Variants in SMC1B observed in about 807,000 individuals in gnomAD.
SMC1B encodes the protein structural maintenance of chromosomes protein 1B.
Under a neutral mutation model 157.9 loss-of-function variants are expected in SMC1B, and 60 were observed. The ratio of observed to expected loss-of-function variants is 0.38; its 90% CI spans 0.31 to 0.47. The LOEUF (loss-of-function observed/expected upper bound fraction) is 0.47. Ranked by LOEUF, SMC1B falls within the 20% of genes least tolerant of loss-of-function variation. The probability of loss-of-function intolerance (pLI) is 0.99; values close to 1 mark genes in which losing one functional copy is unlikely to be tolerated. For synonymous variants in SMC1B, 445 were observed against 483.0 expected (o/e 0.92, Z 1.03); for missense variants, 1,165 against 1,426.2 (o/e 0.82, Z 2.95).
chr22:45,393,122 G>A (rs781513671), intron 9 of SMC1B, among the ~76,000 whole-genome samples: 22 of 152,060 alleles, frequency 1.4e-4, no homozygotes, highest in African/African-American at 2.9e-4. Context: ...ATGCCACCCC[G>A]ATACAAAAGG....
At chr22:45,347,521 T>C (rs2086564453) in intron 23 of SMC1B, among the ~76,000 whole-genome samples, 1 of 152,168 alleles carries the variant, frequency 6.6e-6, no homozygotes, top group Admixed American at 6.5e-5. Context: ...TACTGGGTGG[T>C]ACCCCGAGAC....
intron 1 of SMC1B, among the ~76,000 whole-genome samples, chr22:45,412,803 A>ATTT (rs2087360073): frequency 1.3e-5 from 2 of 152,128 alleles, no homozygotes; most frequent in Non-Finnish European, 2.9e-5. Context: ...GGAACTTAGG[A>ATTT]AAAGCTCAGT....
At chr22:45,394,645 A>G (rs1193800806) in intron 8 of SMC1B, 40 bp downstream of exon 8, 2 of 1,482,960 alleles carry the variant, frequency 1.3e-6, no homozygotes, top group Non-Finnish European at 1.8e-6. Context: ...TCAAAAAATA[A>G]AAGAAAATTG....
chr22:45,403,694 AGGGAT>A (rs1327887777), intron 4 of SMC1B, among the ~76,000 whole-genome samples: 2 of 152,148 alleles, frequency 1.3e-5, no homozygotes, highest in Non-Finnish European at 1.5e-5. Flanking sequence ...CCTGGGCTCA[AGGGAT>A]GCTCCCACCT....
At chr22:45,355,185 T>A (rs2086657879) in intron 19 of SMC1B, 70 bp from the exon 20 acceptor site, 2 of 1,510,112 alleles carry the variant, frequency 1.3e-6, no homozygotes, top group Non-Finnish European at 1.8e-6. Flanking sequence ...AGGGTGCGTG[T>A]GTGGGGCACT....
In SMC1B at chr22:45,345,462, A is replaced by G. The variant is rs775021378; in HGVS notation, c.3603T>C (p.Pro1201=). 8.2e-5 allele frequency: 132 copies of G among 1,607,262 alleles called. No individual in the cohort carries two copies. Among genetic ancestry groups the G allele is most frequent in the Non-Finnish European group, 1.1e-4 (127 of 1,174,310 alleles). The change falls in exon 24 of 25, where the codon CCT becomes CCC. Residue 1201 remains proline (P), a synonymous_variant. Coordinates refer to ENST00000357450, the MANE Select transcript of SMC1B (RefSeq NM_148674.5). Reference sequence around the variant, plus strand: ...CTCGCCTCTGATTTGTCTTTACCTCAGGATAGATGCCGATCAGCGCGTCGG... The same window carrying G: ...CTCGCCTCTGATTTGTCTTTACCTCGGGATAGATGCCGATCAGCGCGTCGG... ...SRADALIGIY[P]EYDDCMFSRV...
intron 19 of SMC1B, 85 bp downstream of exon 19, chr22:45,358,606 CAAACTT>C: frequency 1.3e-6 from 1 of 776,806 alleles, no homozygotes; most frequent in South Asian, 2.0e-5. Flanking sequence ...TAAAAAAAAA[CAAACTT>C]AATTCTATCA....
Position 45,355,126 on chromosome 22 carries a change from C to T in SMC1B, c.2962-11G>A. 2 of 1,613,918 alleles carry T rather than the reference C, an allele frequency of 1.2e-6. No individual in the cohort carries two copies. Among genetic ancestry groups the T allele is most frequent in the South Asian group, 2.2e-5 (2 of 91,078 alleles). On this transcript the variant is annotated splice_polypyrimidine_tract_variant and intron_variant, in intron 19 of 24. Coordinates refer to ENST00000357450, the MANE Select transcript of SMC1B (RefSeq NM_148674.5). ...ATCAGACTGTAGAGCCTATTATGGG[C>T]AAAGAACAACACTGACTGGCATGGC...
chr22:45,409,289 C>T (rs375054624), intron 1 of SMC1B, among the ~76,000 whole-genome samples: 95 of 152,226 alleles, frequency 6.2e-4, no homozygotes, highest in African/African-American at 2.0e-3. Flanking sequence ...TAAGGCTGGA[C>T]GCGGTGGCTC....
intron 11 of SMC1B, among the ~76,000 whole-genome samples, chr22:45,384,240 T>C (rs2086968238): frequency 6.6e-6 from 1 of 152,236 alleles, no homozygotes; most frequent in Non-Finnish European, 1.5e-5. Context: ...ATTGTTCTTT[T>C]CCATAGTGAT....
chr22:45,408,068 A>G (rs2087284372), intron 2 of SMC1B, among the ~76,000 whole-genome samples: 1 of 152,210 alleles, frequency 6.6e-6, no homozygotes, highest in African/African-American at 2.4e-5. Context: ...TGATAAACAT[A>G]AAGAACCTCA....
chr22:45,374,579 T>A (rs943456536), intron 12 of SMC1B, among the ~76,000 whole-genome samples: 6 of 152,246 alleles, frequency 3.9e-5, no homozygotes, highest in African/African-American at 1.4e-4. Context: ...TTTTCTTGGT[T>A]ACAAGTCTTC....
chr22:45,378,443 C>T (rs114097979), intron 12 of SMC1B, among the ~76,000 whole-genome samples: 2,047 of 152,200 alleles, frequency 0.013, 53 homozygotes, highest in African/African-American at 0.047. Context: ...CAGTATCTCA[C>T]ATTTATTGAG....
intron 12 of SMC1B, among the ~76,000 whole-genome samples, chr22:45,374,411 C>T (rs2086865510): frequency 6.6e-6 from 1 of 152,196 alleles, no homozygotes; most frequent in East Asian, 1.9e-4. Context: ...ATATCAGGCC[C>T]AGTACAATAC....
chr22:45,406,885 CCT>C lies in SMC1B; in HGVS notation c.299-22_299-21del, dbSNP rs760784962. ...ATCCCCCTAAAATAAAAAAATAAAC[CCT>C]GTTAAAAAATATATAAATACCAGAT... On this transcript the variant is annotated intron_variant, in intron 2 of 24. Coordinates refer to ENST00000357450, the MANE Select transcript of SMC1B (RefSeq NM_148674.5). The C allele has an allele frequency of 2.7e-6, 4 of 1,508,542 alleles. No individual in the cohort carries two copies. The highest frequency in any genetic ancestry group is 2.8e-5 in the African/African-American group (2 of 70,720). 93.4% of individuals were successfully genotyped at this position (1,508,542 alleles called of 1,614,324 possible).
chr22:45,379,706 T>C (rs1158577743), intron 12 of SMC1B, among the ~76,000 whole-genome samples: 2 of 150,072 alleles, frequency 1.3e-5, no homozygotes, highest in Non-Finnish European at 2.9e-5. Context: ...CTTAGAGTAC[T>C]TTCCTTTTTC....
Position 45,355,086 on chromosome 22 carries a change from G to T in SMC1B, c.2991C>A (p.Ala997=), listed in dbSNP as rs1164754354. Residue 997 remains alanine, a synonymous_variant, in exon 20 of 25, where the codon GCC becomes GCA. Transcript: ENST00000357450. ...CTTGCTGCAATAAGAGCCTAAGGTG[G>T]GCCTCGATTTCTTGATCAGACTGTA... ...KALQSDQEIE[A]HLRLLLQQVA... is the part of the protein sequence containing the mutation. 1 of 1,614,096 alleles carries T rather than the reference G, an allele frequency of 6.2e-7. No individual in the cohort carries two copies. The highest frequency in any genetic ancestry group is 1.1e-5 in the South Asian group (1 of 91,074).
intron 22 of SMC1B, among the ~76,000 whole-genome samples, chr22:45,352,020 T>C (rs5765272): frequency 0.88 from 134,044 of 152,174 alleles, 59,222 homozygotes; most frequent in African/African-American, 0.95. Context: ...TACCTCTGGC[T>C]ATTCCAAGTA....
chr22:45,394,877 C>CAAATAT (rs2092118413), intron 7 of SMC1B, 110 bp from the exon 8 acceptor site: 2 of 1,148,158 alleles, frequency 1.7e-6, no homozygotes, highest in Non-Finnish European at 2.2e-6. Context: ...TGAAAGATAT[C>CAAATAT]AAATATAATT....
Sources: allele counts gnomAD v4.1 joint callset (sites outside exome capture counted in the v4.1 genomes callset), GRCh38; gene constraint gnomAD v4.1.1; transcripts MANE v1.5; gene names NCBI Gene and HGNC (gene_info 2026-07-23, HGNC 2026-07-21).